The following PDE4D variants were observed in gnomAD, a reference collection of about 807,000 sequenced individuals.
The protein encoded by PDE4D is 3',5'-cyclic-AMP phosphodiesterase 4D.
Under a neutral mutation model 87.4 loss-of-function variants are expected in PDE4D, and 24 were observed. The ratio of observed to expected loss-of-function variants is 0.27; its 90% CI spans 0.20 to 0.39. PDE4D has a LOEUF of 0.39. Ranked by LOEUF, PDE4D falls within the 10% of genes least tolerant of loss-of-function variation. The pLI is 1.00. For missense variants in PDE4D, 714 were observed against 1,041.0 expected, an observed-to-expected ratio of 0.69 and a Z score of 4.32; for synonymous variants, 384 against 383.2, an observed-to-expected ratio of 1.00 and a Z score of -0.02.
At chr5:59,774,329 G>A (rs985189057) in intron 1 of PDE4D, among the ~76,000 whole-genome samples, 14 of 152,132 alleles carry the variant, frequency 9.2e-5, no homozygotes, top group African/African-American at 3.1e-4. Context: ...TTCATTGGCT[G>A]TATATAAGCT....
chr5:60,277,965 GAAA>G, intron 1 of PDE4D, among the ~76,000 whole-genome samples: 1 of 152,046 alleles, frequency 6.6e-6, no homozygotes, highest in Non-Finnish European at 1.5e-5. Context: ...ACATAATTTA[GAAA>G]ACTCAGGAGA....
intron 5 of PDE4D, among the ~76,000 whole-genome samples, chr5:59,106,754 C>G (rs1771650860): frequency 6.6e-6 from 1 of 152,168 alleles, no homozygotes; most frequent in Admixed American, 6.5e-5. Flanking sequence ...GAATGAAACT[C>G]CATCTCAAAA....
chr5:60,363,175 G>C (rs1175230560), intron 1 of PDE4D, among the ~76,000 whole-genome samples: 9 of 152,140 alleles, frequency 5.9e-5, no homozygotes, highest in Admixed American at 2.6e-4. Context: ...CAGAATTATA[G>C]AGGTAAAGCT....
At chr5:60,431,481 CG>C (rs1183646593) in intron 1 of PDE4D, among the ~76,000 whole-genome samples, 1 of 150,376 alleles carries the variant, frequency 6.6e-6, no homozygotes, top group African/African-American at 2.5e-5. Flanking sequence ...GATGGGCGGC[CG>C]GGCAGAGACG....
intron 5 of PDE4D, among the ~76,000 whole-genome samples, chr5:59,140,399 A>G (rs1176200939): frequency 6.6e-6 from 1 of 152,222 alleles, no homozygotes; most frequent in Non-Finnish European, 1.5e-5. Flanking sequence ...AAAGAACACA[A>G]GAGTGAGAAG....
intron 1 of PDE4D, among the ~76,000 whole-genome samples, chr5:59,396,937 T>C (rs1169681770): frequency 8.6e-6 from 1 of 115,860 alleles, no homozygotes; most frequent in Non-Finnish European, 1.8e-5. Context: ...GCAATCCTGG[T>C]CTCTGATAAA....
At chr5:59,574,005 A>AATATAT (rs1240300945) in intron 1 of PDE4D, among the ~76,000 whole-genome samples, 2 of 119,710 alleles carry the variant, frequency 1.7e-5, no homozygotes, top group Non-Finnish European at 3.4e-5. Flanking sequence ...CTCAAAAAAA[A>AATATAT]ATATATATAT....
chr5:59,356,432 C>T (rs1366281528), intron 1 of PDE4D, among the ~76,000 whole-genome samples: 2 of 152,098 alleles, frequency 1.3e-5, no homozygotes, highest in East Asian at 3.9e-4. Context: ...AACAAGAACC[C>T]TTCCCTAACA....
intron 1 of PDE4D, among the ~76,000 whole-genome samples, chr5:60,400,792 CG>C (rs1418123007): frequency 1.3e-5 from 2 of 151,784 alleles, no homozygotes; most frequent in Non-Finnish European, 1.5e-5. Flanking sequence ...ATTAGCCGGG[CG>C]TGGTGGCAGG....
intron 1 of PDE4D, chr5:59,768,670 G>C: frequency 6.7e-7 from 1 of 1,486,636 alleles, no homozygotes; most frequent in Non-Finnish European, 8.9e-7. Context: ...TGGGTGCAGA[G>C]GAGGCGAGCG....
chr5:60,325,245 C>A (rs1270254957), intron 1 of PDE4D, among the ~76,000 whole-genome samples: 1 of 152,176 alleles, frequency 6.6e-6, no homozygotes, highest in Non-Finnish European at 1.5e-5. Context: ...CTGACAGGTT[C>A]TTCTGGGACA....
At chr5:60,160,676 G>C (rs1322894922) in intron 2 of PDE4D, 2 of 247,636 alleles carry the variant, frequency 8.1e-6, no homozygotes, top group Non-Finnish European at 1.6e-5. Context: ...TTCCAAATCT[G>C]CTGTTTCCTC....
Position 60,183,037 on chromosome 5 carries a change from G to A in PDE4D, c.42+2520C>T, listed in dbSNP as rs562581245. Among the ~76,000 whole-genome samples, 8 of 152,264 alleles carry A rather than the reference G, an allele frequency of 5.3e-5. No homozygotes were observed. In the South Asian group the frequency reaches 1.5e-3, roughly 28 times the overall value. On this transcript the variant is annotated intron_variant, in intron 2 of 16. Transcript: ENST00000502484. ...TGTTAGATGAATTCATGAAGGTGGG[G>A]CCCTAATGATGGGATTAGTGACCTT...
intron 1 of PDE4D, among the ~76,000 whole-genome samples, chr5:59,448,792 C>A (rs553357385): frequency 6.6e-6 from 1 of 152,148 alleles, no homozygotes; most frequent in African/African-American, 2.4e-5. Flanking sequence ...GCCACCATGC[C>A]CAGCTAATAT....
intron 1 of PDE4D, among the ~76,000 whole-genome samples, chr5:60,237,468 T>C (rs1353397649): frequency 6.6e-6 from 1 of 151,976 alleles, no homozygotes; most frequent in Admixed American, 6.6e-5. Flanking sequence ...GCTTGGAGGA[T>C]CTCAAGGATC....
chr5:60,096,100 A>T (rs1459304844), intron 2 of PDE4D, among the ~76,000 whole-genome samples: 1 of 152,128 alleles, frequency 6.6e-6, no homozygotes, highest in African/African-American at 2.4e-5. Flanking sequence ...TAGTTTAATT[A>T]GATCCCATTT....
chr5:60,473,012 C>T (rs152327), intron 1 of PDE4D, among the ~76,000 whole-genome samples: 43,105 of 150,342 alleles, frequency 0.29, 7,388 homozygotes, highest in East Asian at 0.56. Flanking sequence ...CTATCATAAG[C>T]TGAGGAGCAT....
At chr5:60,486,910 G>C (rs1339928173) in intron 1 of PDE4D, among the ~76,000 whole-genome samples, 1 of 152,124 alleles carries the variant, frequency 6.6e-6, no homozygotes, top group African/African-American at 2.4e-5. Context: ...GCTGTATTGA[G>C]AAAAAGTATA....
rs558912649 is a variant in PDE4D at position 60,046,361 on chromosome 5, C to A, written c.43-57644G>T. Among the ~76,000 whole-genome samples the A allele has an allele frequency of 5.0e-4, 76 of 152,206 alleles. 2 individuals are homozygous for A. In the East Asian group the frequency reaches 0.014, roughly 28 times the overall value. On this transcript the variant is annotated intron_variant, in intron 2 of 16. Transcript: ENST00000502484. ...TTCCTAATTGAATACCCTTTATTTC[C>A]TTCTCCTGCCTAATTGCTCTGGTCA...
Sources: allele counts gnomAD v4.1 joint callset (sites outside exome capture counted in the v4.1 genomes callset), GRCh38; gene constraint gnomAD v4.1.1; transcripts MANE v1.5; gene names NCBI Gene and HGNC (gene_info 2026-07-23, HGNC 2026-07-21).